The following PRRC2B variants were observed in gnomAD, a reference collection of about 807,000 sequenced individuals.
PRRC2B encodes the protein protein PRRC2B.
Under a neutral mutation model 242.3 loss-of-function variants are expected in PRRC2B, and 68 were observed. The ratio of observed to expected loss-of-function variants is 0.28; its 90% confidence interval spans 0.23 to 0.34. The LOEUF is 0.34. PRRC2B is among the 10% of genes least tolerant of loss of function. The pLI is 1.00. For synonymous variants in PRRC2B, 1,228 were observed against 1,173.6 expected (o/e 1.05, Z -0.95); for missense variants, 2,835 against 2,954.8 (o/e 0.96, Z 0.94).
intron 10 of PRRC2B, among the ~76,000 whole-genome samples, chr9:131,455,622 T>C (rs1201207891): frequency 1.3e-5 from 2 of 149,490 alleles, no homozygotes; most frequent in African/African-American, 4.9e-5. Flanking sequence ...GCTCAGCGAT[T>C]CTCCCACCCC....
rs1398506922 is a variant in PRRC2B at position 131,487,942 on chromosome 9, C to T, written c.6071C>T (p.Ala2024Val). Reference protein sequence around the residue: ...GGTALKPPYSAFPGMQPLEMV... With the variant: ...GGTALKPPYSVFPGMQPLEMV... ...ACAGCCTTGAAGCCTCCATACTCGG[C>T]GTTCCCAGGCATGCAGCCCTTGGAG... Residue 2024 changes from alanine (A) to valine (V), a missense_variant, in exon 28 of 32, where the codon GCG (alanine) becomes GTG (valine). Ala to Val is a moderately conservative substitution (Grantham distance 64). Coordinates refer to ENST00000683519, the MANE Select transcript of PRRC2B (RefSeq NM_013318.4). The surrounding 1 kb of genome is among the most constrained non-coding windows in gnomAD (Gnocchi z 5.3). The T allele has an allele frequency of 5.6e-6, 9 of 1,613,540 alleles. No individual in the cohort carries two copies. The highest frequency in any genetic ancestry group is 1.7e-5 in the Admixed American group (1 of 59,954).
chr9:131,479,351 G>C lies in PRRC2B; in HGVS notation c.4858G>C (p.Gly1620Arg). The change falls in exon 19 of 32, where the codon GGC becomes CGC. Residue 1620 changes from glycine to arginine, a missense_variant. By Grantham distance (125) the Gly-to-Arg change is moderately radical. This residue lies in a region of PRRC2B where 1,536 missense variants were observed against 1,483.1 expected (regional missense o/e 1.04). Transcript: ENST00000683519. Reference protein sequence around the residue: ...CLEQGDVTVPGSSLGTEIWES... With the variant: ...CLEQGDVTVPRSSLGTEIWES... ...GGAGCAAGGTGACGTGACCGTGCCT[G>C]GCAGCAGCCTGGGCACTGAGATCTG... The C allele has an allele frequency of 6.2e-7, 1 of 1,613,940 alleles. No individual in the cohort carries two copies. Among genetic ancestry groups the C allele is most frequent in the Non-Finnish European group, 8.5e-7 (1 of 1,179,840 alleles).
At chr9:131,470,148 G>A (rs977033283) in intron 13 of PRRC2B, among the ~76,000 whole-genome samples, 1 of 152,140 alleles carries the variant, frequency 6.6e-6, no homozygotes, top group African/African-American at 2.4e-5. Context: ...GAAAGTGGAG[G>A]GCCAGTCTTG....
At chr9:131,417,050 G>A (rs1837678483) in intron 1 of PRRC2B, among the ~76,000 whole-genome samples, 1 of 152,074 alleles carries the variant, frequency 6.6e-6, no homozygotes, top group Admixed American at 6.5e-5. Context: ...TGTGGTCTCG[G>A]GCACACAGCT....
At chr9:131,399,395 C>T (rs375373066) in intron 1 of PRRC2B, among the ~76,000 whole-genome samples, 1 of 151,016 alleles carries the variant, frequency 6.6e-6, no homozygotes, top group African/African-American at 2.4e-5. Context: ...CTGGCTAACA[C>T]GATGAAACCC....
At chr9:131,476,804 C>T (rs1054443983) in intron 16 of PRRC2B, among the ~76,000 whole-genome samples, 4 of 149,984 alleles carry the variant, frequency 2.7e-5, no homozygotes, top group Non-Finnish European at 4.5e-5. Context: ...AGTCATGTGT[C>T]CCTGGAGCCC....
Position 131,488,030 on chromosome 9 carries a change from C to T in PRRC2B, c.6159C>T (p.Tyr2053=), listed in dbSNP as rs770435722. The T allele has an allele frequency of 2.7e-5, 43 of 1,612,506 alleles. No homozygotes were observed. The highest frequency in any genetic ancestry group is 2.2e-5 in the East Asian group (1 of 44,840). The stretch of plus-strand genomic sequence containing the variant: ...TGAGCGGGAACCAAGCCCTGGTCTA[C>T]GAGGGCCAGCTCAGCCAGGCTGCTG... ...QPMSGNQALV[Y]EGQLSQAAGL... Residue 2053 remains tyrosine (Y), a synonymous_variant, in exon 28 of 32, where the codon TAC becomes TAT. Transcript: ENST00000683519.
At chr9:131,382,386 C>G (rs1554756261) in intron 1 of PRRC2B, among the ~76,000 whole-genome samples, 3 of 152,146 alleles carry the variant, frequency 2.0e-5, no homozygotes, top group Non-Finnish European at 4.4e-5. Context: ...TTTGCCTCCT[C>G]TCTTTCTCCA....
intron 23 of PRRC2B, 23 bp from the exon 24 acceptor site, chr9:131,484,663 G>C: frequency 1.9e-6 from 3 of 1,574,632 alleles, no homozygotes; most frequent in Non-Finnish European, 2.6e-6. Context: ...TGTGTTCCAT[G>C]GTTTCCTTTT....
chr9:131,397,713 G>A (rs1443190964), intron 1 of PRRC2B, among the ~76,000 whole-genome samples: 2 of 152,036 alleles, frequency 1.3e-5, no homozygotes, highest in Non-Finnish European at 2.9e-5. Flanking sequence ...AATAGGCCAG[G>A]TGGGTCAATT....
chr9:131,377,970 A>G (rs142759209), intron 1 of PRRC2B, among the ~76,000 whole-genome samples: 71 of 152,170 alleles, frequency 4.7e-4, no homozygotes, highest in Admixed American at 1.1e-3. Context: ...TGCCCAGGCT[A>G]ATCTTGAACC....
At chr9:131,448,771 T>C (rs1451359747) in intron 9 of PRRC2B, among the ~76,000 whole-genome samples, 1 of 151,828 alleles carries the variant, frequency 6.6e-6, no homozygotes, top group African/African-American at 2.4e-5. Context: ...TCCCCCAACC[T>C]GATTATTTTC....
intron 28 of PRRC2B, chr9:131,490,354 G>A: frequency 2.1e-6 from 1 of 480,126 alleles, no homozygotes; most frequent in Non-Finnish European, 4.2e-6. Context: ...CTCCTACCTG[G>A]CCTCCCTGCA....
chr9:131,468,976 C>G (rs1943468887), intron 13 of PRRC2B, among the ~76,000 whole-genome samples: 1 of 152,150 alleles, frequency 6.6e-6, no homozygotes, highest in Non-Finnish European at 1.5e-5. Context: ...TGCGCCAAAC[C>G]TAGCAGCGAC....
chr9:131,422,793 G>A (rs1484343495), intron 1 of PRRC2B, among the ~76,000 whole-genome samples: 13 of 152,204 alleles, frequency 8.5e-5, no homozygotes, highest in Admixed American at 8.5e-4. Flanking sequence ...AGCACAGCCT[G>A]GGAGCACTTC....
At chr9:131,414,152 A>G (rs1231505496) in intron 1 of PRRC2B, among the ~76,000 whole-genome samples, 1 of 152,106 alleles carries the variant, frequency 6.6e-6, no homozygotes, top group Non-Finnish European at 1.5e-5. Flanking sequence ...TTTATGACAC[A>G]TGACAAAGAG....
Position 131,481,847 on chromosome 9 carries a change from A to G in PRRC2B, c.4983+39A>G, listed in dbSNP as rs766017933. 3.5e-5 allele frequency: 53 copies of G among 1,496,172 alleles called. No homozygotes were observed. The Admixed American group carries it at 6.3e-4, about 18-fold the overall frequency. 92.7% of individuals were successfully genotyped at this position (1,496,172 alleles called of 1,614,324 possible). On this transcript the variant is annotated intron_variant, in intron 20 of 31. Transcript: ENST00000683519. ...CTGCCCACATGCTGCCCCTGGGATG[A>G]GTGTGTGAGTGTGTGCTCACCATCC...
At chr9:131,430,443 C>T (rs191303945) in intron 2 of PRRC2B, among the ~76,000 whole-genome samples, 184 bp downstream of exon 2, 119 of 149,188 alleles carry the variant, frequency 8.0e-4, no homozygotes, top group Non-Finnish European at 1.5e-3. Context: ...CATCCTGACT[C>T]TTTCTGTAGT....
chr9:131,419,522 A>G (rs1247614997), intron 1 of PRRC2B, among the ~76,000 whole-genome samples: 1 of 152,160 alleles, frequency 6.6e-6, no homozygotes, highest in Non-Finnish European at 1.5e-5. Flanking sequence ...GTCTGGAGAG[A>G]TGAGCACTGT....
Sources: gnomAD v4.1 joint callset for allele counts (sites outside exome capture counted in the v4.1 genomes callset) on GRCh38, gnomAD v4.1.1 for gene constraint, gnomAD v4.1.1 regional missense constraint, Gnocchi (gnomAD v3.1) non-coding constraint, MANE v1.5 for transcripts, NCBI Gene and HGNC (gene_info 2026-07-23, HGNC 2026-07-21) for gene names.